Variants in NAALADL2 observed in about 807,000 individuals in gnomAD.
NAALADL2 encodes the protein inactive N-acetylated-alpha-linked acidic dipeptidase-like protein 2.
In NAALADL2, 76 loss-of-function variants were observed where a neutral mutation model predicts 87.2. The observed-to-expected ratio is 0.87, with a 90% CI of 0.72 to 1.05. The LOEUF is 1.05. NAALADL2 is among the 50% of genes least tolerant of loss of function. The pLI is 0.00. For synonymous variants in NAALADL2, 354 were observed against 331.0 expected (o/e 1.07, Z -0.75); for missense variants, 1,089 against 945.8 (o/e 1.15, Z -1.99).
intron 1 of NAALADL2, among the ~76,000 whole-genome samples, chr3:175,003,232 T>A (rs916592411): frequency 6.6e-6 from 1 of 152,148 alleles, no homozygotes; most frequent in Non-Finnish European, 1.5e-5. Flanking sequence ...TAAGAGTAGA[T>A]CTAGGTTGGG....
intron 2 of NAALADL2, among the ~76,000 whole-genome samples, chr3:174,569,760 G>A (rs970650099): frequency 8.5e-5 from 13 of 152,080 alleles, no homozygotes; most frequent in African/African-American, 2.4e-4. Flanking sequence ...GGGTTAACAC[G>A]CAAATGCTTT....
intron 2 of NAALADL2, among the ~76,000 whole-genome samples, chr3:175,204,572 A>G (rs1044869212): frequency 6.6e-6 from 1 of 152,154 alleles, no homozygotes; most frequent in African/African-American, 2.4e-5. Flanking sequence ...ACTCCTCTTC[A>G]ACATAGAACT....
rs1730230720 is a variant in NAALADL2, at chr3:175,143,031, A to G, written c.545+45740A>G. Among the ~76,000 whole-genome samples, 6 of 151,992 alleles carry G rather than the reference A, an allele frequency of 3.9e-5. No individual in the cohort carries two copies. In the South Asian group the frequency reaches 1.2e-3, roughly 31 times the overall value. On this transcript the variant is annotated intron_variant, in intron 2 of 13. Coordinates refer to ENST00000454872, the MANE Select transcript of NAALADL2 (RefSeq NM_207015.3). ...GGGGAAATAATATTGGCCTTGGAGC[A>G]TGTGGTATTTGACTGCAAAATTCTG...
At chr3:175,382,633 A>G (rs925709062) in intron 5 of NAALADL2, among the ~76,000 whole-genome samples, 1 of 49,732 alleles carries the variant, frequency 2.0e-5, no homozygotes, top group Non-Finnish European at 4.6e-5. Flanking sequence ...CTTTTGAAGA[A>G]CATTCCAAAT....
intron 5 of NAALADL2, among the ~76,000 whole-genome samples, chr3:175,401,272 G>T (rs1326760599): frequency 6.6e-6 from 1 of 152,080 alleles, no homozygotes; most frequent in Non-Finnish European, 1.5e-5. Flanking sequence ...AAGATGGAAA[G>T]TTTTGCTTTG....
chr3:175,293,592 G>T (rs1016381131), intron 4 of NAALADL2, among the ~76,000 whole-genome samples: 2 of 152,064 alleles, frequency 1.3e-5, no homozygotes, highest in Non-Finnish European at 2.9e-5. Context: ...TAAAGGTAAG[G>T]CCTTTGGGAG....
At chr3:175,135,609 C>T (rs543147783) in intron 2 of NAALADL2, among the ~76,000 whole-genome samples, 2 of 151,856 alleles carry the variant, frequency 1.3e-5, no homozygotes, top group South Asian at 2.1e-4. Context: ...GATTTCAAAA[C>T]CTAAAGTCAA....
At chr3:175,276,249 C>T (rs564969943) in intron 4 of NAALADL2, among the ~76,000 whole-genome samples, 2 of 149,574 alleles carry the variant, frequency 1.3e-5, no homozygotes, top group Admixed American at 6.7e-5. Flanking sequence ...CTTTGTGGTA[C>T]AATTAAAAAA....
At chr3:174,964,268 G>T (rs894963924) in intron 1 of NAALADL2, among the ~76,000 whole-genome samples, 1 of 152,058 alleles carries the variant, frequency 6.6e-6, no homozygotes, top group African/African-American at 2.4e-5. Context: ...TTTAGTGGCA[G>T]GAGTGATAAA....
At chr3:175,461,603 A>T (rs1581983980) in intron 6 of NAALADL2, among the ~76,000 whole-genome samples, 1 of 152,202 alleles carries the variant, frequency 6.6e-6, no homozygotes, top group South Asian at 2.1e-4. Context: ...AATTTTAATC[A>T]CTATATTAAT....
At chr3:174,939,270 T>C (rs1471798660) in intron 1 of NAALADL2, among the ~76,000 whole-genome samples, 1 of 152,070 alleles carries the variant, frequency 6.6e-6, no homozygotes, top group Admixed American at 6.6e-5. Context: ...AAGAGTCTTT[T>C]TTCCATGGCT....
chr3:175,356,423 T>G (rs1387601584), intron 5 of NAALADL2, among the ~76,000 whole-genome samples: 1 of 151,234 alleles, frequency 6.6e-6, no homozygotes, highest in Non-Finnish European at 1.5e-5. Flanking sequence ...AAACTAAAAA[T>G]AAATTAGCTA....
At chr3:175,675,483 A>T (rs1034798150) in intron 11 of NAALADL2, 24 of 152,250 alleles carry the variant, frequency 1.6e-4, no homozygotes, top group African/African-American at 5.8e-4. Flanking sequence ...TTCATAAAAC[A>T]GAGATAAGAT....
At chr3:175,032,527 T>A (rs547302520) in intron 1 of NAALADL2, among the ~76,000 whole-genome samples, 1 of 152,144 alleles carries the variant, frequency 6.6e-6, no homozygotes, top group Non-Finnish European at 1.5e-5. Flanking sequence ...TATATAGAAC[T>A]TGTACCACAA....
At chr3:175,122,044 A>G (rs1250340056) in intron 2 of NAALADL2, among the ~76,000 whole-genome samples, 1 of 151,896 alleles carries the variant, frequency 6.6e-6, no homozygotes, top group African/African-American at 2.4e-5. Flanking sequence ...CTGAATTGGT[A>G]GTTGATTAAA....
chr3:174,894,475 T>A (rs1329922064), intron 1 of NAALADL2, among the ~76,000 whole-genome samples: 1 of 151,354 alleles, frequency 6.6e-6, no homozygotes, highest in African/African-American at 2.4e-5. Flanking sequence ...ACACCTGTGG[T>A]CCCAGACACT....
intron 4 of NAALADL2, among the ~76,000 whole-genome samples, chr3:175,280,497 C>T (rs774128987): frequency 2.0e-5 from 3 of 152,198 alleles, no homozygotes; most frequent in Non-Finnish European, 4.4e-5. Context: ...AATCCTATTG[C>T]ACCCTGCTAG....
intron 4 of NAALADL2, among the ~76,000 whole-genome samples, chr3:175,304,981 G>A (rs902423973): frequency 6.6e-6 from 1 of 151,556 alleles, no homozygotes; most frequent in Admixed American, 6.6e-5. Flanking sequence ...ATAAACATAG[G>A]TTCCACTGTG....
intron 1 of NAALADL2, among the ~76,000 whole-genome samples, chr3:175,083,252 A>G (rs911350277): frequency 1.3e-5 from 2 of 152,154 alleles, no homozygotes; most frequent in African/African-American, 2.4e-5. Flanking sequence ...CTGGAAGTTC[A>G]TCCTCTCATT....
Sources: gnomAD v4.1 joint callset for allele counts (sites outside exome capture counted in the v4.1 genomes callset) on GRCh38, gnomAD v4.1.1 for gene constraint, MANE v1.5 for transcripts, NCBI Gene and HGNC (gene_info 2026-07-23, HGNC 2026-07-21) for gene names.